PAX2: variants seen among roughly 807,000 people sequenced by gnomAD.
The protein encoded by PAX2 is paired box protein Pax-2.
In PAX2, 9 loss-of-function variants were observed where a neutral mutation model predicts 41.7. That is an observed-to-expected ratio of 0.22 (90% CI 0.13 to 0.38). The LOEUF is 0.38. Ranked by LOEUF, PAX2 falls within the 10% of genes least tolerant of loss-of-function variation. The probability of loss-of-function intolerance (pLI) is 1.00; values close to 1 mark genes in which losing one functional copy is unlikely to be tolerated. For synonymous variants in PAX2, 221 were observed against 212.7 expected, an observed-to-expected ratio of 1.04 and a Z score of -0.34; for missense variants, 418 against 531.6, an observed-to-expected ratio of 0.79 and a Z score of 2.10.
Position 100,748,787 on chromosome 10 carries a change from G to C in PAX2, c.44-959G>C, listed in dbSNP as rs1285801183. On this transcript the variant is annotated intron_variant, in intron 1 of 9. Coordinates refer to ENST00000355243, the MANE Select transcript of PAX2 (RefSeq NM_000278.5). This position sits in a 1 kb window ranked among gnomAD's most constrained non-coding sequence, Gnocchi z 5.0. ...AAGCCCGAGCCGCTCGGTTTCCTGG[G>C]GGGGCTGCCGAGGTCTGAGGGGTCA... 4 of 985,522 alleles carry C rather than the reference G, an allele frequency of 4.1e-6. No homozygotes were observed. Among genetic ancestry groups the C allele is most frequent in the African/African-American group, 1.7e-5 (1 of 57,370 alleles). The allele number at this position is 985,522 out of a possible 1,614,324, so 61.0% of individuals were successfully genotyped here. A position where few individuals can be genotyped will look rare whatever the true frequency, so the allele number is the denominator to read the frequency against.
intron 3 of PAX2, among the ~76,000 whole-genome samples, chr10:100,774,504 A>T (rs1446257822): frequency 6.6e-6 from 1 of 151,656 alleles, no homozygotes; most frequent in Non-Finnish European, 1.5e-5. Flanking sequence ...TGTCTTCTCA[A>T]TGCTCTTCCC....
chr10:100,808,075 A>G (rs182632814), intron 6 of PAX2, among the ~76,000 whole-genome samples: 2 of 152,316 alleles, frequency 1.3e-5, no homozygotes, highest in East Asian at 3.9e-4. Context: ...TCATTAGACT[A>G]TTAAACACCA....
At position 100,765,916 on chromosome 10, in the gene PAX2, TATCATCATC is replaced by T. The variant is rs35255034; in HGVS notation, c.411-13558_411-13550del. ...GCTTTACTCAGAAAGCCTTTATATTTATCATCATCATCATCATCATCATCATCATCATAG... is the reference window on the plus strand; with the variant it reads ...GCTTTACTCAGAAAGCCTTTATATTTATCATCATCATCATCATCATCATAG... On this transcript the variant is annotated intron_variant, in intron 3 of 9. Coordinates refer to ENST00000355243, the MANE Select transcript of PAX2 (RefSeq NM_000278.5). Among the ~76,000 whole-genome samples, 89 of 151,020 alleles carry T rather than the reference TATCATCATC, an allele frequency of 5.9e-4. 1 individual carries two copies. Among genetic ancestry groups the T allele is most frequent in the African/African-American group, 1.9e-3 (79 of 41,128 alleles).
intron 3 of PAX2, among the ~76,000 whole-genome samples, chr10:100,776,943 G>A (rs1317335537): frequency 1.3e-5 from 2 of 151,982 alleles, no homozygotes; most frequent in African/African-American, 4.8e-5. Flanking sequence ...TGCTTTACTG[G>A]GATCTGTTTG....
At chr10:100,796,433 T>C (rs1291925035) in intron 5 of PAX2, among the ~76,000 whole-genome samples, 1 of 152,236 alleles carries the variant, frequency 6.6e-6, no homozygotes, top group African/African-American at 2.4e-5. Flanking sequence ...TCGATGTACA[T>C]GTCCTTTTAA....
At chr10:100,770,943 C>G (rs1175498592) in intron 3 of PAX2, among the ~76,000 whole-genome samples, 2 of 152,158 alleles carry the variant, frequency 1.3e-5, no homozygotes, top group African/African-American at 4.8e-5. Flanking sequence ...CCAAGGATCC[C>G]CTTGAGAAAC....
At chr10:100,740,850 G>A (rs1302261448), upstream of PAX2, among the ~76,000 whole-genome samples, 3 of 152,200 alleles carry the variant, frequency 2.0e-5, no homozygotes, top group African/African-American at 7.2e-5. Flanking sequence ...AGGGCCTCAC[G>A]GGGCTCCTAG....
intron 3 of PAX2, among the ~76,000 whole-genome samples, chr10:100,758,223 C>T (rs2133852263): frequency 6.6e-6 from 1 of 151,210 alleles, no homozygotes; most frequent in Admixed American, 6.6e-5. Context: ...TCACTGCAAG[C>T]TCCGCCTCCC....
intron 3 of PAX2, among the ~76,000 whole-genome samples, chr10:100,760,138 A>T (rs1255167362): frequency 6.6e-6 from 1 of 152,090 alleles, no homozygotes; most frequent in East Asian, 1.9e-4. Flanking sequence ...CTTTGGAAAG[A>T]CTATGTGTGC....
intron 1 of PAX2, chr10:100,747,624 A>G: frequency 1.0e-6 from 1 of 984,530 alleles, no homozygotes; most frequent in Non-Finnish European, 1.2e-6. Context: ...GAGGAGGGAG[A>G]GCTGTGTTTT....
At chr10:100,751,116 C>A (rs1192487082) in intron 3 of PAX2, among the ~76,000 whole-genome samples, 1 of 152,210 alleles carries the variant, frequency 6.6e-6, no homozygotes, top group African/African-American at 2.4e-5. Context: ...CAGGCTTCTC[C>A]CGCCGGCGTC....
chr10:100,737,487 C>G (rs1011639239), intron 1 of PAX2, among the ~76,000 whole-genome samples: 2 of 152,278 alleles, frequency 1.3e-5, no homozygotes, highest in Non-Finnish European at 1.5e-5. Context: ...CCCTCTTTTC[C>G]CGCCTTTGCG....
chr10:100,806,650 A>C, intron 6 of PAX2, 45 bp downstream of exon 6: 1 of 1,571,290 alleles, frequency 6.4e-7, no homozygotes, highest in Non-Finnish European at 8.7e-7. Flanking sequence ...AGGAGCCGGC[A>C]GAGCAAGGCC....
intron 3 of PAX2, among the ~76,000 whole-genome samples, chr10:100,754,153 A>C (rs1589817254): frequency 6.6e-6 from 1 of 152,198 alleles, no homozygotes; most frequent in East Asian, 1.9e-4. Flanking sequence ...TGCTACTGAA[A>C]AAGGAAAAAG....
chr10:100,745,212 A>G (rs924179668), upstream of PAX2, among the ~76,000 whole-genome samples: 2 of 152,142 alleles, frequency 1.3e-5, no homozygotes, highest in Admixed American at 1.3e-4. Context: ...TATTCATTAG[A>G]CTGACCGCTC....
intron 7 of PAX2, among the ~76,000 whole-genome samples, chr10:100,816,381 C>G (rs1427205579): frequency 6.6e-6 from 1 of 152,320 alleles, no homozygotes. Flanking sequence ...AGAGATCTCC[C>G]AGCACTAAGC....
chr10:100,762,869 G>A (rs536201230), intron 3 of PAX2, among the ~76,000 whole-genome samples: 1 of 152,340 alleles, frequency 6.6e-6, no homozygotes, highest in East Asian at 1.9e-4. Flanking sequence ...TATGCAGAGG[G>A]TGGATTGGTC....
chr10:100,827,800 C>T lies in PAX2; in HGVS notation c.*181C>T. 1 of 917,748 alleles carries T rather than the reference C, an allele frequency of 1.1e-6. No individual in the cohort carries two copies. Among genetic ancestry groups the T allele is most frequent in the Non-Finnish European group, 1.7e-6 (1 of 594,328 alleles). 56.9% of individuals were successfully genotyped at this position (917,748 alleles called of 1,614,324 possible). A position where few individuals can be genotyped will look rare whatever the true frequency, so the allele number is the denominator to read the frequency against. ...CACATCACCCCCCTCGAAGGTCGGA[C>T]AGGACGGGTGGAGCCGTGGGCGGGA... is the stretch of plus-strand genomic sequence containing the variant. On this transcript the variant is annotated 3_prime_UTR_variant, in exon 10 of 10. Transcript: ENST00000355243. This position sits in a 1 kb window ranked among gnomAD's most constrained non-coding sequence, Gnocchi z 8.5.
intron 1 of PAX2, among the ~76,000 whole-genome samples, chr10:100,740,155 C>T (rs1192481222): frequency 6.6e-6 from 1 of 152,216 alleles, no homozygotes; most frequent in East Asian, 1.9e-4. Flanking sequence ...CCGGACCGGA[C>T]GGGATTTCCT....
Sources: gnomAD v4.1 joint callset for allele counts (sites outside exome capture counted in the v4.1 genomes callset) on GRCh38, gnomAD v4.1.1 for gene constraint, Gnocchi (gnomAD v3.1) non-coding constraint, MANE v1.5 for transcripts, NCBI Gene and HGNC (gene_info 2026-07-23, HGNC 2026-07-21) for gene names.